Variants in CLEC16A observed in about 807,000 individuals in gnomAD.
CLEC16A encodes C-type lectin domain containing 16A, also known as protein CLEC16A.
Under a neutral mutation model 109.5 loss-of-function variants are expected in CLEC16A, and 51 were observed. The ratio of observed to expected loss-of-function variants is 0.47; its 90% CI spans 0.37 to 0.59. The LOEUF is 0.59. Ranked by LOEUF, CLEC16A falls within the 20% of genes least tolerant of loss-of-function variation. CLEC16A has a pLI of 0.00. For synonymous variants in CLEC16A, 673 were observed against 564.2 expected, an observed-to-expected ratio of 1.19 and a Z score of -2.73; for missense variants, 1,339 against 1,394.0, an observed-to-expected ratio of 0.96 and a Z score of 0.63.
At chr16:11,052,780 C>T (rs2048017311) in intron 18 of CLEC16A, among the ~76,000 whole-genome samples, 1 of 152,204 alleles carries the variant, frequency 6.6e-6, no homozygotes. Context: ...CTACAGCATC[C>T]TGTGCCAAGA....
At chr16:11,024,209 C>G (rs1480021148) in intron 12 of CLEC16A, 1 of 152,700 alleles carries the variant, frequency 6.5e-6, no homozygotes, top group Non-Finnish European at 1.5e-5. Context: ...TGACCCTGTG[C>G]TAAATGCTTT....
intron 15 of CLEC16A, among the ~76,000 whole-genome samples, chr16:11,042,999 A>G (rs941798962): frequency 1.3e-5 from 2 of 151,766 alleles, no homozygotes; most frequent in Non-Finnish European, 2.9e-5. Flanking sequence ...GTACATGTGA[A>G]TATATGTAAA....
chr16:11,019,214 G>GC (rs1417213954), intron 11 of CLEC16A, among the ~76,000 whole-genome samples: 1 of 152,102 alleles, frequency 6.6e-6, no homozygotes, highest in Admixed American at 6.5e-5. Flanking sequence ...GAAAGTCCAC[G>GC]CCCGCACAGC....
chr16:11,049,635 G>A lies in CLEC16A; in HGVS notation c.1867-1878G>A, dbSNP rs78033023. The stretch of plus-strand genomic sequence containing the variant: ...GGAATGCAGCTTCTGAGTGGAAGGG[G>A]GTGGGGACAGGCCCTCCAAGGCCAG... On this transcript the variant is annotated intron_variant, in intron 17 of 23. Transcript: ENST00000409790. Among the ~76,000 whole-genome samples, 804 of 152,342 alleles carry A rather than the reference G, an allele frequency of 5.3e-3. 2 individuals are homozygous for A. Among genetic ancestry groups the A allele is most frequent in the African/African-American group, 0.019 (776 of 41,568 alleles).
intron 19 of CLEC16A, among the ~76,000 whole-genome samples, chr16:11,106,104 T>A (rs1360041467): frequency 6.6e-6 from 1 of 152,238 alleles, no homozygotes; most frequent in Non-Finnish European, 1.5e-5. Flanking sequence ...AGATTCTGCA[T>A]ACTGACCAGT....
intron 11 of CLEC16A, among the ~76,000 whole-genome samples, chr16:11,019,692 C>G (rs11867069): frequency 0.049 from 7,477 of 151,868 alleles, 655 homozygotes; most frequent in African/African-American, 0.17. Flanking sequence ...TCACTTGAAC[C>G]CTGGAGGCGG....
chr16:11,078,636 C>G (rs2049525318), intron 19 of CLEC16A, among the ~76,000 whole-genome samples: 1 of 152,204 alleles, frequency 6.6e-6, no homozygotes, highest in Non-Finnish European at 1.5e-5. Flanking sequence ...CCGGCACAGC[C>G]AGTCTGAACT....
intron 19 of CLEC16A, among the ~76,000 whole-genome samples, chr16:11,086,285 C>T (rs914677807): frequency 6.6e-6 from 1 of 152,198 alleles, no homozygotes; most frequent in Non-Finnish European, 1.5e-5. Flanking sequence ...GCCACCCCAC[C>T]TGGCTCAAGA....
chr16:11,175,779 G>T (rs548783536), intron 23 of CLEC16A, among the ~76,000 whole-genome samples: 68 of 152,318 alleles, frequency 4.5e-4, no homozygotes, highest in African/African-American at 1.5e-3. Context: ...TGCTCTTTTT[G>T]ATATATTTGC....
intron 13 of CLEC16A, among the ~76,000 whole-genome samples, chr16:11,028,246 T>C (rs2152821277): frequency 6.6e-6 from 1 of 152,330 alleles, no homozygotes; most frequent in East Asian, 1.9e-4. Flanking sequence ...GCACCTCTCA[T>C]CAGAGTCTAG....
chr16:11,132,992 G>T (rs959644153), intron 22 of CLEC16A, among the ~76,000 whole-genome samples: 4 of 152,180 alleles, frequency 2.6e-5, no homozygotes, highest in Non-Finnish European at 5.9e-5. Context: ...GGTGGTTTGG[G>T]TGTGAGCTGG....
chr16:10,948,067 G>C (rs528018963), intron 1 of CLEC16A, among the ~76,000 whole-genome samples: 1 of 152,030 alleles, frequency 6.6e-6, no homozygotes, highest in Non-Finnish European at 1.5e-5. Context: ...CTAATTTTTT[G>C]TATTTTTAGT....
intron 10 of CLEC16A, among the ~76,000 whole-genome samples, chr16:10,985,685 C>T (rs1352834104): frequency 2.0e-5 from 3 of 151,266 alleles, no homozygotes; most frequent in African/African-American, 4.9e-5. Context: ...CCAGAGATTG[C>T]TGGGCTCTGG....
At chr16:11,086,646 G>C (rs893728101) in intron 19 of CLEC16A, among the ~76,000 whole-genome samples, 1 of 152,146 alleles carries the variant, frequency 6.6e-6, no homozygotes, top group East Asian at 1.9e-4. Context: ...AGGTTCAAGC[G>C]ATTCTCCTGC....
intron 6 of CLEC16A, 92 bp downstream of exon 6, chr16:10,972,651 A>G: frequency 1.7e-6 from 2 of 1,208,124 alleles, no homozygotes; most frequent in Non-Finnish European, 2.4e-6. Context: ...AGTGTAGTCT[A>G]GCTCAGTCTG....
At chr16:10,993,158 G>A (rs956065492) in intron 10 of CLEC16A, among the ~76,000 whole-genome samples, 10 of 152,108 alleles carry the variant, frequency 6.6e-5, no homozygotes, top group East Asian at 1.9e-4. Flanking sequence ...TTGGGAGGCC[G>A]GTGTGGGCAG....
In CLEC16A at chr16:11,039,807, G is replaced by A. The variant is rs776495568; in HGVS notation, c.1591G>A (p.Glu531Lys). ...CCAGCTCCCCGTGCCAAATGCGGCC[G>A]AGAAGACCACCTACAACCACCCGCT... is the stretch of plus-strand genomic sequence containing the variant. ...RIQLPVPNAA[E>K]KTTYNHPLAE... Residue 531 changes from glutamate to lysine, a missense_variant, in exon 14 of 24, where the codon GAG (glutamate) becomes AAG (lysine). Glu to Lys is a moderately conservative substitution (Grantham distance 56). Coordinates refer to ENST00000409790, the MANE Select transcript of CLEC16A (RefSeq NM_015226.3). The A allele has an allele frequency of 1.7e-5, 27 of 1,610,658 alleles. No individual in the cohort carries two copies. The highest frequency in any genetic ancestry group is 1.7e-4 in the Middle Eastern group (1 of 6,060).
chr16:10,982,850 C>G, intron 9 of CLEC16A, 28 bp from the exon 10 acceptor site: 2 of 1,343,120 alleles, frequency 1.5e-6, no homozygotes, highest in Non-Finnish European at 2.1e-6. Flanking sequence ...CACTTTCATG[C>G]AAATCCCGTT....
intron 22 of CLEC16A, among the ~76,000 whole-genome samples, chr16:11,152,108 A>G (rs2054313535): frequency 2.0e-5 from 3 of 152,210 alleles, no homozygotes; most frequent in Admixed American, 2.0e-4. Flanking sequence ...GGGCCAGCTT[A>G]GCACAGAGAC....
Sources: gnomAD v4.1 joint callset for allele counts (sites outside exome capture counted in the v4.1 genomes callset) on GRCh38, gnomAD v4.1.1 for gene constraint, MANE v1.5 for transcripts, NCBI Gene and HGNC (gene_info 2026-07-23, HGNC 2026-07-21) for gene names.